PLIN4: variants seen among roughly 807,000 people sequenced by gnomAD.
PLIN4 encodes perilipin 4.
A neutral mutation model predicts 52.4 loss-of-function variants in PLIN4; 57 were observed. The observed-to-expected ratio is 1.09, with a 90% CI of 0.88 to 1.36. The LOEUF is 1.36. Ranked by LOEUF, PLIN4 falls within the 40% of genes most tolerant of loss-of-function variation. PLIN4 has a pLI of 0.00. For missense variants in PLIN4, 1,757 were observed against 1,770.3 expected (o/e 0.99, Z 0.13); for synonymous variants, 826 against 785.4 (o/e 1.05, Z -0.86).
intron 2 of PLIN4, among the ~76,000 whole-genome samples, chr19:4,517,994 C>T (rs911802570): frequency 2.2e-4 from 33 of 152,172 alleles, no homozygotes; most frequent in Admixed American, 2.0e-3. Context: ...GAGCTGAGGC[C>T]GGCCCAAGGT....
In PLIN4 at chr19:4,513,276, C is replaced by G. The variant is rs758938198; in HGVS notation, c.684G>C (p.Lys228Asn). 2.5e-6 allele frequency: 4 copies of G among 1,613,694 alleles called. No individual in the cohort carries two copies. The African/African-American group carries it at 4.0e-5, about 16-fold the overall frequency. The part of the protein sequence containing the change: ...GTVQTGVETS[K>N]AVLTGTKDAV... ...CATCTTTGGTGCCGGTCAGCACAGC[C>G]TTGGAGGTTTCCACGCCAGTCTGGA... The change falls in exon 5 of 8, where the codon AAG becomes AAC. Residue 228 changes from lysine (K) to asparagine (N), a missense_variant. Lys to Asn is a moderately conservative substitution (Grantham distance 94). Coordinates refer to ENST00000301286, the MANE Select transcript of PLIN4 (RefSeq NM_001367868.2).
chr19:4,504,687 G>A lies in PLIN4; in HGVS notation c.3888C>T (p.Ala1296=), dbSNP rs752107866. The change falls in exon 8 of 8, where the codon GCC becomes GCT. Residue 1296 remains alanine, a synonymous_variant. Transcript: ENST00000301286. ...CCCGCCCCACTGGCTGCTGGAGCTC[G>A]GCGGGCAGGCCCTGGAGGCTGGAGA... ...GLVSSLQGLP[A]ELQQPVGRAR... The A allele has an allele frequency of 2.7e-5, 43 of 1,601,164 alleles. 2 individuals are homozygous for A. The South Asian group carries it at 2.9e-4, about 11-fold the overall frequency.
chr19:4,510,384 G>A, intron 5 of PLIN4, 62 bp downstream of exon 5: 10 of 1,310,478 alleles, frequency 7.6e-6, no homozygotes, highest in Non-Finnish European at 9.8e-6. Flanking sequence ...AAACAAAACA[G>A]TCAAGGACCT....
Position 4,512,584 on chromosome 19 carries a change from TTGG to T in PLIN4, c.1373_1375del (p.Thr458del). 6.2e-7 allele frequency: 1 copy of T among 1,610,614 alleles called. No homozygotes were observed. The highest frequency in any genetic ancestry group is 1.7e-4 in the Middle Eastern group (1 of 6,040). On this transcript the variant is annotated inframe_deletion, in exon 5 of 8. Transcript: ENST00000301286. The stretch of plus-strand genomic sequence containing the variant: ...GTCCTTGGTACCAGTTAGAACGATC[TTGG>T]TGGTGTCCACGCCTGTCTGGATGGT...
chr19:4,505,557 T>C lies in PLIN4; in HGVS notation c.3703-610A>G, dbSNP rs568647615. Among the ~76,000 whole-genome samples, 10 of 152,302 alleles carry C rather than the reference T, an allele frequency of 6.6e-5. No homozygotes were observed. In the East Asian group the frequency reaches 1.5e-3, roughly 24 times the overall value. ...GCACAGCGTGCGGCTTTGGTGTTCA[T>C]TGACTTGGTGTTTATCCGCCCCTGG... On this transcript the variant is annotated intron_variant, in intron 6 of 7. Coordinates refer to ENST00000301286, the MANE Select transcript of PLIN4 (RefSeq NM_001367868.2).
intron 5 of PLIN4, 145 bp from the exon 6 acceptor site, chr19:4,509,100 G>C (rs1056908467): frequency 8.4e-6 from 6 of 710,184 alleles, no homozygotes; most frequent in Non-Finnish European, 1.1e-5. Flanking sequence ...ACGAGGTCAG[G>C]AGATCGAGAC....
chr19:4,511,721 C>T lies in PLIN4; in HGVS notation c.2239G>A (p.Ala747Thr). 1 of 1,186,678 alleles carries T rather than the reference C, an allele frequency of 8.4e-7. No homozygotes were observed. The highest frequency in any genetic ancestry group is 1.2e-6 in the Non-Finnish European group (1 of 855,708). 73.5% of individuals were successfully genotyped at this position (1,186,678 alleles called of 1,614,324 possible). Reference protein sequence around the residue: ...VTGAANVAKGAIQGGLDTTKS... With the variant: ...VTGAANVAKGTIQGGLDTTKS... ...GTAGTGTCCAGGCCCCCTTGGATGGCCCCTTTGGCCACATTCGCAGCACCG... is the reference window on the plus strand; with the variant it reads ...GTAGTGTCCAGGCCCCCTTGGATGGTCCCTTTGGCCACATTCGCAGCACCG... Residue 747 changes from alanine (A) to threonine (T), a missense_variant, in exon 5 of 8, where the codon GCC (alanine) becomes ACC (threonine). Coordinates refer to ENST00000301286, the MANE Select transcript of PLIN4 (RefSeq NM_001367868.2).
In PLIN4 at chr19:4,511,035, G is replaced by A. The variant is rs1202216659; in HGVS notation, c.2925C>T (p.Ala975=). 2 of 1,613,306 alleles carry A rather than the reference G, an allele frequency of 1.2e-6. No individual in the cohort carries two copies. The highest frequency in any genetic ancestry group is 8.5e-7 in the Non-Finnish European group (1 of 1,179,880). The stretch of plus-strand genomic sequence containing the variant: ...CCACGCCGGTCTGCACGGTTCCTTT[G>A]GCCACATTCACTGCCCCCGTGACTC... ...TTGVTGAVNV[A]KGTVQTGVDA... Residue 975 remains alanine (A), a synonymous_variant, in exon 5 of 8, where the codon GCC becomes GCT. Coordinates refer to ENST00000301286, the MANE Select transcript of PLIN4 (RefSeq NM_001367868.2).
chr19:4,505,417 G>T (rs1241940734), intron 6 of PLIN4, among the ~76,000 whole-genome samples: 2 of 152,262 alleles, frequency 1.3e-5, no homozygotes, highest in East Asian at 3.9e-4. Context: ...TGCTTCCCGG[G>T]CCCTTCACAA....
Position 4,513,431 on chromosome 19 carries a change from T to A in PLIN4, c.529A>T (p.Thr177Ser). ...GTKDTVSTGL[T>S]GAVNVAKGTV... ...CCTTTGGCCACATTCACTGCCCCCG[T>A]GAGCCCAGTGGACACCGTGTCCTTG... The change falls in exon 5 of 8, where the codon ACG becomes TCG. Residue 177 changes from threonine to serine, a missense_variant. Physicochemically the swap from Thr to Ser is moderately conservative, Grantham distance 58. Around this residue, in one of 7 missense-constraint regions of PLIN4, gnomAD observed 332 missense variants for 310.8 expected, o/e 1.07. Transcript: ENST00000301286. 6.2e-7 allele frequency: 1 copy of A among 1,613,574 alleles called. No individual in the cohort carries two copies. Among genetic ancestry groups the A allele is most frequent in the Non-Finnish European group, 8.5e-7 (1 of 1,179,894 alleles).
Position 4,517,553 on chromosome 19 carries a change from C to A in PLIN4, c.196+1G>T. 3 of 1,608,030 alleles carry A rather than the reference C, an allele frequency of 1.9e-6. No individual in the cohort carries two copies. The highest frequency in any genetic ancestry group is 2.5e-6 in the Non-Finnish European group (3 of 1,177,762). On this transcript the variant is annotated splice_donor_variant, in intron 3 of 7. Transcript: ENST00000301286. LOFTEE classifies it high-confidence loss of function. Reference sequence around the variant, plus strand: ...CGCCCCCAGCTGGGCCAGCCACTCACCCTGAGCCTGTGGTTGGGCAGCCTC... The same window carrying A: ...CGCCCCCAGCTGGGCCAGCCACTCAACCTGAGCCTGTGGTTGGGCAGCCTC...
chr19:4,515,972 G>C (rs529886429), intron 4 of PLIN4, among the ~76,000 whole-genome samples: 1 of 152,266 alleles, frequency 6.6e-6, no homozygotes, highest in African/African-American at 2.4e-5. Flanking sequence ...TCTGGAAAAT[G>C]CTGATTAAAA....
chr19:4,504,671 C>G lies in PLIN4; in HGVS notation c.3904G>C (p.Val1302Leu). ...CAGAGGCTGTGCCGCGCCCGCCCCA[C>G]TGGCTGCTGGAGCTCGGCGGGCAGG... is the stretch of plus-strand genomic sequence containing the variant. ...QGLPAELQQPVGRARHSLCEL... is the reference protein window; with the variant it reads ...QGLPAELQQPLGRARHSLCEL... Residue 1302 changes from valine (V) to leucine (L), a missense_variant, in exon 8 of 8, where the codon GTG (valine) becomes CTG (leucine). Val to Leu is a conservative substitution (Grantham distance 32, BLOSUM62 1). Around this residue, in one of 7 missense-constraint regions of PLIN4, gnomAD observed 712 missense variants for 637.1 expected, o/e 1.12. Transcript: ENST00000301286. 6.2e-7 allele frequency: 1 copy of G among 1,603,054 alleles called. No homozygotes were observed. The highest frequency in any genetic ancestry group is 1.1e-5 in the South Asian group (1 of 90,384).
In PLIN4 at chr19:4,513,374, T is replaced by A; in HGVS notation, c.586A>T (p.Thr196Ser). Residue 196 changes from threonine to serine, a missense_variant, in exon 5 of 8, where the codon ACT (threonine) becomes TCT (serine). Transcript: ENST00000301286. ...TVQAGVDTTK[T>S]VLTGTKDTVT... ...GTGTCTTTGGTGCCGGTCAGCACAG[T>A]CTTGGTGGTGTCCACACCGGCCTGT... 2 of 1,613,322 alleles carry A rather than the reference T, an allele frequency of 1.2e-6. No individual in the cohort carries two copies. The highest frequency in any genetic ancestry group is 1.7e-6 in the Non-Finnish European group (2 of 1,179,818).
chr19:4,511,223 C>G lies in PLIN4; in HGVS notation c.2737G>C (p.Val913Leu), dbSNP rs759693414. Reference protein sequence around the residue: ...TGAVNLAKGTVQTGVDTSKTV... With the variant: ...TGAVNLAKGTLQTGVDTSKTV... ...TTGCTGGTGTCCACGCCGGTCTGGA[C>G]AGTCCCTTTGGCCAAGTTCACAGCC... Residue 913 changes from valine to leucine, a missense_variant, in exon 5 of 8, where the codon GTC becomes CTC. Physicochemically the swap from Val to Leu is conservative, Grantham distance 32 (BLOSUM62 1). Transcript: ENST00000301286. The G allele has an allele frequency of 6.2e-7, 1 of 1,611,674 alleles. No individual in the cohort carries two copies. Among genetic ancestry groups the G allele is most frequent in the Non-Finnish European group, 8.5e-7 (1 of 1,178,410 alleles).
chr19:4,506,533 C>T (rs1466167324), intron 6 of PLIN4, among the ~76,000 whole-genome samples: 2 of 152,204 alleles, frequency 1.3e-5, no homozygotes, highest in South Asian at 2.1e-4. Flanking sequence ...GCGCCCCCCA[C>T]CCCCCAAGGG....
rs371845550 is a variant in PLIN4 at position 4,510,696 on chromosome 19, C to A, written c.3264G>T (p.Pro1088=). The change falls in exon 5 of 8, where the codon CCG becomes CCT. Residue 1088 remains proline, a synonymous_variant. Coordinates refer to ENST00000301286, the MANE Select transcript of PLIN4 (RefSeq NM_001367868.2). The part of the protein sequence containing the change: ...EQTALSPQEA[P]FSGISTPPDV... ...CCGGGGGCGTGGAGATGCCAGAGAA[C>A]GGGGCCTCTTGGGGGCTCAGGGCAG... 2 of 1,523,980 alleles carry A rather than the reference C, an allele frequency of 1.3e-6. No homozygotes were observed. Among genetic ancestry groups the A allele is most frequent in the Non-Finnish European group, 1.8e-6 (2 of 1,139,256 alleles). The allele number at this position is 1,523,980 out of a possible 1,614,324, so 94.4% of individuals were successfully genotyped here. A position where few individuals can be genotyped will look rare whatever the true frequency, so the allele number is the denominator to read the frequency against.
Position 4,512,218 on chromosome 19 carries a change from C to G in PLIN4, c.1742G>C (p.Gly581Ala), listed in dbSNP as rs1976408829. Residue 581 changes from glycine to alanine, a missense_variant, in exon 5 of 8, where the codon GGG becomes GCG. By Grantham distance (60) the Gly-to-Ala change is moderately conservative. Coordinates refer to ENST00000301286, the MANE Select transcript of PLIN4 (RefSeq NM_001367868.2). The stretch of plus-strand genomic sequence containing the variant: ...TGTGTCTACACCTGTCTGGACAGCC[C>G]CCTTGGCCACATTCGCTGCCCCCGT... Reference protein sequence around the residue: ...GLTGAANVAKGAVQTGVDTAK... With the variant: ...GLTGAANVAKAAVQTGVDTAK... The G allele has an allele frequency of 6.2e-7, 1 of 1,613,120 alleles. No individual in the cohort carries two copies. Among genetic ancestry groups the G allele is most frequent in the East Asian group, 2.2e-5 (1 of 44,874 alleles).
At chr19:4,505,093 C>T (rs974773863) in intron 6 of PLIN4, 146 bp from the exon 7 acceptor site, 25 of 736,878 alleles carry the variant, frequency 3.4e-5, no homozygotes, top group Middle Eastern at 6.1e-4. Context: ...CCACAGTGGG[C>T]GTGTTGTCTT....
Sources: gnomAD v4.1 joint callset for allele counts (sites outside exome capture counted in the v4.1 genomes callset) on GRCh38, gnomAD v4.1.1 for gene constraint, gnomAD v4.1.1 regional missense constraint, MANE v1.5 for transcripts, NCBI Gene and HGNC (gene_info 2026-07-23, HGNC 2026-07-21) for gene names.